IFI44L: variants seen among roughly 807,000 people sequenced by gnomAD.
IFI44L encodes interferon-induced protein 44-like.
Under a neutral mutation model 39.3 loss-of-function variants are expected in IFI44L, and 40 were observed. That is an observed-to-expected ratio of 1.02 (90% CI 0.79 to 1.33). IFI44L has a LOEUF of 1.33. IFI44L is among the 40% of genes most tolerant of loss of function. IFI44L has a pLI of 0.00. For missense variants in IFI44L, 623 were observed against 549.0 expected (o/e 1.13, Z -1.35); for synonymous variants, 198 against 182.3 (o/e 1.09, Z -0.69).
At chr1:78,629,120 A>G in intron 3 of IFI44L, 121 bp downstream of exon 3, 1 of 702,490 alleles carries the variant, frequency 1.4e-6, no homozygotes, top group Non-Finnish European at 2.5e-6. Flanking sequence ...AAAGAGTTAT[A>G]ATGTTATTGA....
rs1646992953 is a variant in IFI44L at position 78,641,998 on chromosome 1, A to C, written c.*189A>C. ...GTGGGCTAAGATAGGTCCTACTGCA[A>C]ACCACCCCTCCATATTTCCGTACCA... On this transcript the variant is annotated 3_prime_UTR_variant, in exon 9 of 9. Transcript: ENST00000370751. 3.1e-6 allele frequency: 2 copies of C among 648,766 alleles called. No individual in the cohort carries two copies. The highest frequency in any genetic ancestry group is 5.0e-5 in the Admixed American group (2 of 39,696). The allele number at this position is 648,766 out of a possible 1,614,324, so 40.2% of individuals were successfully genotyped here.
In IFI44L at chr1:78,627,894, T is replaced by G; in HGVS notation, c.-10-12T>G. 2 of 1,441,674 alleles carry G rather than the reference T, an allele frequency of 1.4e-6. No individual in the cohort carries two copies. The highest frequency in any genetic ancestry group is 1.9e-6 in the Non-Finnish European group (2 of 1,076,506). The allele number at this position is 1,441,674 out of a possible 1,614,324, so 89.3% of individuals were successfully genotyped here. On this transcript the variant is annotated splice_polypyrimidine_tract_variant and intron_variant, in intron 1 of 8. Coordinates refer to ENST00000370751, the MANE Select transcript of IFI44L (RefSeq NM_006820.4). Reference sequence around the variant, plus strand: ...ATATAAGCTTCTCAACCTATAATTGTTTTTCCATTAGATATAGAACAATGG... The same window carrying G: ...ATATAAGCTTCTCAACCTATAATTGGTTTTCCATTAGATATAGAACAATGG...
At chr1:78,624,448 G>A (rs1380215730) in intron 1 of IFI44L, among the ~76,000 whole-genome samples, 1 of 152,108 alleles carries the variant, frequency 6.6e-6, no homozygotes, top group Admixed American at 6.5e-5. Context: ...GACTTGATAT[G>A]GTTTCAATCT....
At chr1:78,633,202 T>C (rs762403396) in intron 4 of IFI44L, among the ~76,000 whole-genome samples, 1 of 152,102 alleles carries the variant, frequency 6.6e-6, no homozygotes, top group Non-Finnish European at 1.5e-5. Context: ...TCATCTGCTT[T>C]GGGGAAAAGA....
intron 1 of IFI44L, among the ~76,000 whole-genome samples, chr1:78,625,123 T>G (rs1422610765): frequency 6.6e-6 from 1 of 151,960 alleles, no homozygotes; most frequent in East Asian, 1.9e-4. Context: ...CCATCTATAT[T>G]TATAAAAGAG....
chr1:78,638,788 C>G (rs948819700), intron 6 of IFI44L, among the ~76,000 whole-genome samples: 9 of 152,072 alleles, frequency 5.9e-5, no homozygotes, highest in African/African-American at 1.9e-4. Context: ...CCAAATAATT[C>G]TAACATCTTT....
At chr1:78,636,396 C>T (rs1652952911) in intron 5 of IFI44L, among the ~76,000 whole-genome samples, 1 of 152,076 alleles carries the variant, frequency 6.6e-6, no homozygotes, top group Non-Finnish European at 1.5e-5. Context: ...TAATTTTTCA[C>T]AGCAGGGAGC....
chr1:78,640,925 A>G, intron 6 of IFI44L, 96 bp from the exon 7 acceptor site: 4 of 798,644 alleles, frequency 5.0e-6, no homozygotes, highest in South Asian at 3.3e-5. Context: ...TCAGCTCTCA[A>G]AATCACCCTA....
intron 6 of IFI44L, among the ~76,000 whole-genome samples, 167 bp from the exon 7 acceptor site, chr1:78,640,854 C>A (rs1646974928): frequency 6.6e-6 from 1 of 152,078 alleles, no homozygotes. Flanking sequence ...GATCAAAGAT[C>A]ATTTCTCCTC....
At chr1:78,621,632 A>T (rs541152429) in intron 1 of IFI44L, among the ~76,000 whole-genome samples, 2 of 152,214 alleles carry the variant, frequency 1.3e-5, no homozygotes, top group Non-Finnish European at 2.9e-5. Flanking sequence ...AGACTTTGGT[A>T]TAAATTATTG....
intron 1 of IFI44L, 45 bp from the exon 2 acceptor site, chr1:78,627,861 A>T: frequency 9.2e-7 from 1 of 1,090,046 alleles, no homozygotes; most frequent in Non-Finnish European, 1.3e-6. Flanking sequence ...GCTATAAGCT[A>T]CTATATTATA....
At position 78,637,032 on chromosome 1, in the gene IFI44L, T is replaced by C; in HGVS notation, c.877T>C (p.Phe293Leu). 2 of 1,606,536 alleles carry C rather than the reference T, an allele frequency of 1.2e-6. No homozygotes were observed. Among genetic ancestry groups the C allele is most frequent in the Non-Finnish European group, 1.7e-6 (2 of 1,174,482 alleles). ...LKGCMPDRYQ[F>L]NSRKPITPEH... The stretch of plus-strand genomic sequence containing the variant: ...ATGTTACCTTATGTTTTTATAACAG[T>C]TTAATTCCCGTAAACCAATTACACC... The change falls in exon 6 of 9, where the codon TTT (phenylalanine) becomes CTT (leucine). Residue 293 changes from phenylalanine to leucine, a missense_variant and splice_region_variant. By Grantham distance (22) the Phe-to-Leu change is conservative. Coordinates refer to ENST00000370751, the MANE Select transcript of IFI44L (RefSeq NM_006820.4).
chr1:78,641,008 C>G lies in IFI44L; in HGVS notation c.1049-13C>G. ...TTATGATATAAAATAACTGATTTAT[C>G]TATTTGATATAGGTATAGCATATGT... On this transcript the variant is annotated splice_polypyrimidine_tract_variant and intron_variant, in intron 6 of 8. Coordinates refer to ENST00000370751, the MANE Select transcript of IFI44L (RefSeq NM_006820.4). The G allele has an allele frequency of 6.4e-7, 1 of 1,556,932 alleles. No individual in the cohort carries two copies. Among genetic ancestry groups the G allele is most frequent in the Non-Finnish European group, 8.9e-7 (1 of 1,129,728 alleles).
In IFI44L at chr1:78,628,260, T is replaced by C. The variant is rs756432982; in HGVS notation, c.345T>C (p.Arg115=). 3.1e-6 allele frequency: 5 copies of C among 1,611,398 alleles called. No homozygotes were observed. Among genetic ancestry groups the C allele is most frequent in the Non-Finnish European group, 4.2e-6 (5 of 1,178,420 alleles). ...PKIIDEQLVC[R]LSKTDIFIIC... ...TTATTGATGAGCAACTGGTGTGTCG[T>C]TTATCGAAAACGGATATTTTCATTA... is the stretch of plus-strand genomic sequence containing the variant. The change falls in exon 2 of 9, where the codon CGT becomes CGC. Residue 115 remains arginine, a synonymous_variant. Coordinates refer to ENST00000370751, the MANE Select transcript of IFI44L (RefSeq NM_006820.4).
intron 1 of IFI44L, among the ~76,000 whole-genome samples, chr1:78,625,019 G>T (rs1445346673): frequency 6.7e-6 from 1 of 148,928 alleles, no homozygotes; most frequent in Non-Finnish European, 1.5e-5. Flanking sequence ...GCATGCTGTT[G>T]TATTTTGTCA....
intron 4 of IFI44L, among the ~76,000 whole-genome samples, chr1:78,634,170 A>G (rs1652855585): frequency 6.6e-6 from 1 of 151,908 alleles, no homozygotes; most frequent in South Asian, 2.1e-4. Flanking sequence ...AAATAGTAGC[A>G]AAAAACTTTT....
chr1:78,624,614 T>A (rs1199349093), intron 1 of IFI44L, among the ~76,000 whole-genome samples: 1 of 152,108 alleles, frequency 6.6e-6, no homozygotes, highest in African/African-American at 2.4e-5. Flanking sequence ...GTGTTCAAGT[T>A]TTCTGTTTTC....
At chr1:78,624,999 C>T (rs1199101200) in intron 1 of IFI44L, among the ~76,000 whole-genome samples, 1 of 151,520 alleles carries the variant, frequency 6.6e-6, no homozygotes, top group Non-Finnish European at 1.5e-5. Context: ...TAAGTGAGTT[C>T]TTGGGGACAG....
rs1347399129 is a variant in IFI44L, at chr1:78,644,534, A to G, written c.*2725A>G. The G allele has an allele frequency of 6.6e-6, 1 of 152,164 alleles. No individual in the cohort carries two copies. The highest frequency in any genetic ancestry group is 1.5e-5 in the Non-Finnish European group (1 of 68,022). 9.4% of individuals were successfully genotyped at this position (152,164 alleles called of 1,614,324 possible). ...AGGAAATATTGGTGAGGAGGCCTCAAAAAGGGGGAAACATCTTTTGTCTGG... is the reference window on the plus strand; with the variant it reads ...AGGAAATATTGGTGAGGAGGCCTCAGAAAGGGGGAAACATCTTTTGTCTGG... On this transcript the variant is annotated 3_prime_UTR_variant, in exon 9 of 9. Transcript: ENST00000370751.
Sources: gnomAD v4.1 joint callset for allele counts (sites outside exome capture counted in the v4.1 genomes callset) on GRCh38, gnomAD v4.1.1 for gene constraint, MANE v1.5 for transcripts, NCBI Gene and HGNC (gene_info 2026-07-23, HGNC 2026-07-21) for gene names.